SGCD: variants seen among roughly 807,000 people sequenced by gnomAD.
SGCD encodes the protein sarcoglycan delta.
In SGCD, 18 loss-of-function variants were observed where a neutral mutation model predicts 36.6. The observed-to-expected ratio is 0.49, with a 90% confidence interval of 0.34 to 0.73. The LOEUF is 0.73. Ranked by LOEUF, SGCD falls within the 30% of genes least tolerant of loss-of-function variation. The probability of loss-of-function intolerance (pLI) is 0.01; values close to 1 mark genes in which losing one functional copy is unlikely to be tolerated. For missense variants in SGCD, 387 were observed against 346.7 expected, an observed-to-expected ratio of 1.12 and a Z score of -0.92; for synonymous variants, 133 against 130.6, an observed-to-expected ratio of 1.02 and a Z score of -0.12.
At chr5:156,466,150 G>A (rs1754712346) in intron 3 of SGCD, among the ~76,000 whole-genome samples, 1 of 152,142 alleles carries the variant, frequency 6.6e-6, no homozygotes, top group Admixed American at 6.6e-5. Flanking sequence ...TTGTGAGAGT[G>A]AAAACGCCAA....
chr5:155,939,637 T>C (rs1331542736), intron 1 of SGCD, among the ~76,000 whole-genome samples: 3 of 72,932 alleles, frequency 4.1e-5, no homozygotes, highest in African/African-American at 4.3e-5. Context: ...AGAGAGAGAC[T>C]CTCTCTCAAA....
chr5:155,942,404 C>A (rs1014588789), intron 1 of SGCD, among the ~76,000 whole-genome samples: 2 of 151,580 alleles, frequency 1.3e-5, no homozygotes, highest in Admixed American at 6.6e-5. Flanking sequence ...TGGGCTAAAA[C>A]CCTCAATCTT....
intron 3 of SGCD, among the ~76,000 whole-genome samples, chr5:156,381,745 A>AG (rs1287612993): frequency 3.3e-5 from 5 of 152,200 alleles, no homozygotes; most frequent in Non-Finnish European, 5.9e-5. Context: ...CACAGCAGAA[A>AG]GGGAGTATAA....
rs1187090620 is a variant in SGCD at position 156,735,298 on chromosome 5, C to T, written c.576-22283C>T. On this transcript the variant is annotated intron_variant, in intron 7 of 8. Transcript: ENST00000337851. The stretch of plus-strand genomic sequence containing the variant: ...TCTGTGCTGGGGTACTACTTTCACC[C>T]GCAGTCAGCTTGGACTCTCCAAAGC... 2.6e-5 allele frequency among the ~76,000 whole-genome samples: 4 copies of T among 152,262 alleles called. No homozygotes were observed. In the East Asian group the frequency reaches 5.8e-4, roughly 22 times the overall value.
At chr5:155,769,989 A>AT in the SGCD span, among the ~76,000 whole-genome samples, 12 of 149,848 alleles carry the variant, frequency 8.0e-5, no homozygotes, top group East Asian at 2.0e-4. Flanking sequence ...TTGCTTCTCC[A>AT]TTTTTTTTTC....
In SGCD at chr5:155,947,556, C is replaced by A. The variant is rs112942902; in HGVS notation, c.-282+77132C>A. Reference sequence around the variant, plus strand: ...GCCCATTCACCCACTCATTTCTGATCTCGAGCAGGTTACTTGACTTCTCCC... The same window carrying A: ...GCCCATTCACCCACTCATTTCTGATATCGAGCAGGTTACTTGACTTCTCCC... On this transcript the variant is annotated intron_variant, in intron 1 of 9. Transcript: ENST00000517913. Among the ~76,000 whole-genome samples, 714 of 152,166 alleles carry A rather than the reference C, an allele frequency of 4.7e-3. 6 individuals are homozygous for A. The highest frequency in any genetic ancestry group is 0.016 in the African/African-American group (662 of 41,534).
chr5:155,743,546 G>A, the SGCD span, among the ~76,000 whole-genome samples: 3 of 152,158 alleles, frequency 2.0e-5, no homozygotes, highest in South Asian at 6.2e-4. Flanking sequence ...GACCCTGATT[G>A]CATCACCTGA....
At position 156,145,519 on chromosome 5, in the gene SGCD, C is replaced by G. The variant is rs564881165; in HGVS notation, c.-44+21500C>G. On this transcript the variant is annotated intron_variant, in intron 3 of 9. Coordinates refer to the SGCD transcript ENST00000517913. The stretch of plus-strand genomic sequence containing the variant: ...AAAGCATCAAGATTTTTAGGCCCCT[C>G]TATATCCTTTTTGAATCTATTCTTT... Among the ~76,000 whole-genome samples the G allele has an allele frequency of 5.3e-5, 8 of 152,264 alleles. No individual in the cohort carries two copies. In the East Asian group the frequency reaches 1.5e-3, roughly 29 times the overall value.
At chr5:155,988,599 C>T (rs1758378237) in intron 1 of SGCD, among the ~76,000 whole-genome samples, 1 of 151,750 alleles carries the variant, frequency 6.6e-6, no homozygotes, top group Non-Finnish European at 1.5e-5. Flanking sequence ...CTCCGTCATA[C>T]TTTATACTTC....
chr5:156,738,445 A>G (rs1361437169), intron 7 of SGCD: 1 of 152,266 alleles, frequency 6.6e-6, no homozygotes, highest in Non-Finnish European at 1.5e-5. Context: ...CTACTAAGGC[A>G]CAGTATTTAT....
chr5:156,663,447 C>A (rs1171112302), intron 7 of SGCD, among the ~76,000 whole-genome samples: 1 of 123,744 alleles, frequency 8.1e-6, no homozygotes, highest in Non-Finnish European at 1.8e-5. Flanking sequence ...CAATATGCAG[C>A]CTTTCCTGTT....
At chr5:156,172,121 A>G (rs189661024) in intron 3 of SGCD, among the ~76,000 whole-genome samples, 188 of 152,202 alleles carry the variant, frequency 1.2e-3, no homozygotes, top group African/African-American at 4.4e-3. Context: ...TGTCTCTACT[A>G]AAAATACAAA....
intron 1 of SGCD, among the ~76,000 whole-genome samples, chr5:156,073,060 T>A (rs1259404235): frequency 6.6e-6 from 1 of 152,194 alleles, no homozygotes; most frequent in South Asian, 2.1e-4. Flanking sequence ...TTTCAACTTC[T>A]TTGCCTTTGG....
chr5:156,376,957 C>A (rs1159547510), intron 3 of SGCD, among the ~76,000 whole-genome samples: 2 of 151,694 alleles, frequency 1.3e-5, no homozygotes, highest in African/African-American at 4.8e-5. Flanking sequence ...CAGATGAGAG[C>A]CAAAATTAAT....
chr5:156,401,661 GGATAT>G (rs1439857598), intron 3 of SGCD, among the ~76,000 whole-genome samples: 1 of 152,138 alleles, frequency 6.6e-6, no homozygotes, highest in African/African-American at 2.4e-5. Flanking sequence ...AAGGTACTGG[GGATAT>G]GATAAGCAAA....
At chr5:156,256,371 T>C (rs1046576284) in intron 3 of SGCD, among the ~76,000 whole-genome samples, 4 of 152,200 alleles carry the variant, frequency 2.6e-5, no homozygotes, top group African/African-American at 9.7e-5. Flanking sequence ...ATGCTTTCTA[T>C]CATCACAGAT....
At chr5:156,467,397 C>G (rs1442189280) in intron 3 of SGCD, among the ~76,000 whole-genome samples, 2 of 152,098 alleles carry the variant, frequency 1.3e-5, no homozygotes, top group Admixed American at 1.3e-4. Context: ...AACAAACCAT[C>G]ACATTTTTTC....
chr5:155,738,853 A>G, the SGCD span, among the ~76,000 whole-genome samples: 1 of 134,058 alleles, frequency 7.5e-6, no homozygotes, highest in African/African-American at 2.8e-5. Flanking sequence ...GAGTATGTAT[A>G]TGAGAGTGTG....
chr5:156,647,336 T>C (rs1763267225), intron 6 of SGCD, 128 bp from the exon 7 acceptor site: 2 of 578,676 alleles, frequency 3.5e-6, no homozygotes, highest in East Asian at 5.7e-5. Context: ...CTAAAGCCAG[T>C]GGAAAAATAT....
Sources: gnomAD v4.1 joint callset for allele counts (sites outside exome capture counted in the v4.1 genomes callset) on GRCh38, gnomAD v4.1.1 for gene constraint, MANE v1.5 for transcripts, NCBI Gene and HGNC (gene_info 2026-07-23, HGNC 2026-07-21) for gene names.